The following DRC2 variants were observed in gnomAD, a reference collection of about 807,000 sequenced individuals.
The protein encoded by DRC2 is coiled-coil domain containing 65.
At chr12:48,904,560 C>A in the DRC2 span, 1 of 1,476,422 alleles carries the variant, frequency 6.8e-7, no homozygotes, top group Non-Finnish European at 9.1e-7. Flanking sequence ...TCCTGACCTC[C>A]CCTCCTCCGG....
At chr12:48,918,138 T>G in the DRC2 span, 1 of 740,926 alleles carries the variant, frequency 1.3e-6, no homozygotes, top group South Asian at 1.8e-5. Flanking sequence ...CTGCCTGGTC[T>G]TGTGTAGGCA....
At chr12:48,909,924 G>T in the DRC2 span, among the ~76,000 whole-genome samples, 1 of 151,992 alleles carries the variant, frequency 6.6e-6, no homozygotes. Flanking sequence ...GGGACTACAG[G>T]TGTGCGCCAC....
At chr12:48,907,938 C>T in the DRC2 span, among the ~76,000 whole-genome samples, 1 of 151,994 alleles carries the variant, frequency 6.6e-6, no homozygotes, top group African/African-American at 2.4e-5. Flanking sequence ...TACACATTAC[C>T]CTGGCTTTAT....
At chr12:48,916,175 G>A in the DRC2 span, among the ~76,000 whole-genome samples, 1 of 151,474 alleles carries the variant, frequency 6.6e-6, no homozygotes, top group Non-Finnish European at 1.5e-5. Flanking sequence ...AGGCAGAGAC[G>A]CTCCTCACTT....
chr12:48,914,453 T>A, the DRC2 span: 10 of 1,614,046 alleles, frequency 6.2e-6, no homozygotes, highest in Non-Finnish European at 8.5e-6. Flanking sequence ...GCCCATGCCC[T>A]GCGCAGCCAC....
chr12:48,909,037 CT>C, the DRC2 span, among the ~76,000 whole-genome samples: 1,086 of 82,386 alleles, frequency 0.013, 7 homozygotes, highest in African/African-American at 0.048. Flanking sequence ...TTTTCTTTCT[CT>C]TTTTTTTTTT....
the DRC2 span, chr12:48,914,536 G>A: frequency 4.3e-6 from 7 of 1,614,160 alleles, no homozygotes; most frequent in Admixed American, 3.3e-5. Flanking sequence ...TTACAACATG[G>A]AGCTGGAAGC....
chr12:48,917,209 G>GGT, the DRC2 span: 1 of 1,361,854 alleles, frequency 7.3e-7, no homozygotes, highest in South Asian at 1.3e-5. Flanking sequence ...CCAGCACCTT[G>GGT]GTAGGCCAAG....
At chr12:48,914,779 T>G in the DRC2 span, among the ~76,000 whole-genome samples, 1 of 152,198 alleles carries the variant, frequency 6.6e-6, no homozygotes, top group African/African-American at 2.4e-5. Context: ...TCACGTCAGG[T>G]CCCTGTCTGT....
At chr12:48,916,282 C>G in the DRC2 span, among the ~76,000 whole-genome samples, 2 of 152,182 alleles carry the variant, frequency 1.3e-5, no homozygotes, top group African/African-American at 2.4e-5. Flanking sequence ...GAGCCGAGAT[C>G]ACGCCACTGC....
the DRC2 span, among the ~76,000 whole-genome samples, chr12:48,909,338 C>A: frequency 6.6e-6 from 1 of 152,188 alleles, no homozygotes; most frequent in African/African-American, 2.4e-5. Context: ...GCCACCACAC[C>A]TGGCCTCTGC....
the DRC2 span, among the ~76,000 whole-genome samples, chr12:48,909,402 C>T: frequency 2.6e-5 from 4 of 152,220 alleles, no homozygotes; most frequent in African/African-American, 9.6e-5. Flanking sequence ...TTTGCACATG[C>T]TATTCCCCGT....
the DRC2 span, among the ~76,000 whole-genome samples, chr12:48,920,109 T>TC: frequency 5.0e-5 from 3 of 60,384 alleles, no homozygotes; most frequent in African/African-American, 2.0e-4. Context: ...TAAGACCCTG[T>TC]CTAAAAAAAA....
chr12:48,904,924 G>A, the DRC2 span: 5 of 1,559,570 alleles, frequency 3.2e-6, no homozygotes, highest in Non-Finnish European at 4.4e-6. Context: ...CTTCCTGGAG[G>A]TATATTTATT....
chr12:48,910,588 A>G, the DRC2 span, among the ~76,000 whole-genome samples: 1 of 152,226 alleles, frequency 6.6e-6, no homozygotes, highest in Non-Finnish European at 1.5e-5. Flanking sequence ...TTCAAAATTC[A>G]AAAGAAAAAA....
the DRC2 span, among the ~76,000 whole-genome samples, chr12:48,905,841 G>A: frequency 2.0e-5 from 3 of 152,028 alleles, no homozygotes; most frequent in Admixed American, 6.6e-5. Context: ...GCACAATCTC[G>A]GCTCAGTGCA....
chr12:48,920,979 A>T, the DRC2 span: 2 of 1,613,696 alleles, frequency 1.2e-6, no homozygotes, highest in African/African-American at 2.7e-5. Context: ...TTTGAAACCG[A>T]AGAAGAAAAA....
chr12:48,907,889 G>C, the DRC2 span, among the ~76,000 whole-genome samples: 353 of 152,228 alleles, frequency 2.3e-3, no homozygotes, highest in Middle Eastern at 6.8e-3. Context: ...TTCTGAGTCT[G>C]GCCATCTCAC....
the DRC2 span, among the ~76,000 whole-genome samples, chr12:48,905,813 C>T: frequency 6.6e-6 from 1 of 152,142 alleles, no homozygotes. Flanking sequence ...TGCTCTGTTG[C>T]CAGGCTGGAG....
Sources: allele counts gnomAD v4.1 joint callset (sites outside exome capture counted in the v4.1 genomes callset), GRCh38; gene constraint gnomAD v4.1.1; transcripts MANE v1.5; gene names NCBI Gene and HGNC (gene_info 2026-07-23, HGNC 2026-07-21).